Variants in LRCH3 observed in about 807,000 individuals in gnomAD.
LRCH3 encodes the protein leucine rich repeats and calponin homology domain containing 3.
LRCH3 carries 68 observed loss-of-function variants against 104.5 expected under a neutral mutation model. That is an observed-to-expected ratio of 0.65 (90% CI 0.54 to 0.80). The LOEUF (loss-of-function observed/expected upper bound fraction) is 0.80. Ranked by LOEUF, LRCH3 falls within the 30% of genes least tolerant of loss-of-function variation. The pLI, the probability that LRCH3 is intolerant of heterozygous loss-of-function variation, is 0.00. For synonymous variants in LRCH3, 344 were observed against 361.3 expected (o/e 0.95, Z 0.54); for missense variants, 951 against 953.9 (o/e 1.00, Z 0.04).
chr3:197,839,020 T>C (rs1423802713), intron 9 of LRCH3, among the ~76,000 whole-genome samples: 1 of 152,218 alleles, frequency 6.6e-6, no homozygotes, highest in Admixed American at 6.5e-5. Context: ...TTTCTAATTC[T>C]AACATCTTAT....
intron 20 of LRCH3, among the ~76,000 whole-genome samples, chr3:197,877,494 TGATTCTCTTTACCCAAC>T (rs1713021837): frequency 4.0e-5 from 5 of 126,340 alleles, no homozygotes; most frequent in African/African-American, 1.2e-4. Context: ...CCCATGGCAG[TGATTCTCTTTACCCAAC>T]TCACCGCACC....
In LRCH3 at chr3:197,875,776, G is replaced by A; in HGVS notation, c.2208+1G>A. 1.3e-6 allele frequency: 2 copies of A among 1,523,858 alleles called. No individual in the cohort carries two copies. Among genetic ancestry groups the A allele is most frequent in the Non-Finnish European group, 1.8e-6 (2 of 1,137,358 alleles). 94.4% of individuals were successfully genotyped at this position (1,523,858 alleles called of 1,614,324 possible). On this transcript the variant is annotated splice_donor_variant, in intron 20 of 20. Coordinates refer to ENST00000425562, the MANE Select transcript of LRCH3 (RefSeq NM_001365715.1). LOFTEE classifies it high-confidence loss of function. ...TTGCAGAAAAATTGGTGTACCTCAG[G>A]TAATAAATTTATCATTTTTTATGTT...
At chr3:197,843,685 A>G (rs1452783317) in intron 10 of LRCH3, among the ~76,000 whole-genome samples, 1 of 147,058 alleles carries the variant, frequency 6.8e-6, no homozygotes, top group African/African-American at 2.5e-5. Flanking sequence ...ATCTCAAAAG[A>G]AAAAAAAAAA....
chr3:197,880,592 G>A, intron 20 of LRCH3: 2 of 1,536,578 alleles, frequency 1.3e-6, no homozygotes, highest in Non-Finnish European at 8.7e-7. Flanking sequence ...TTTCTCTTGG[G>A]GCACACTCAG....
At chr3:197,839,751 G>A (rs539541215) in intron 10 of LRCH3, among the ~76,000 whole-genome samples, 91 of 152,012 alleles carry the variant, frequency 6.0e-4, no homozygotes, top group African/African-American at 1.6e-3. Flanking sequence ...AGGCCAAGAC[G>A]GGAGGCTTGC....
chr3:197,818,244 T>C (rs1016450565), intron 3 of LRCH3, among the ~76,000 whole-genome samples: 2 of 152,216 alleles, frequency 1.3e-5, no homozygotes, highest in African/African-American at 4.8e-5. Context: ...ATATTATGAA[T>C]TGATTACTAA....
In LRCH3 at chr3:197,835,534, A is replaced by G. The variant is rs541354157; in HGVS notation, c.1103-140A>G. The G allele has an allele frequency of 5.6e-6, 7 of 1,241,408 alleles. No individual in the cohort carries two copies. The East Asian group carries it at 2.0e-4, about 35-fold the overall frequency. The allele number at this position is 1,241,408 out of a possible 1,614,324, so 76.9% of individuals were successfully genotyped here. A position where few individuals can be genotyped will look rare whatever the true frequency, so the allele number is the denominator to read the frequency against. On this transcript the variant is annotated intron_variant, in intron 8 of 20. Coordinates refer to ENST00000425562, the MANE Select transcript of LRCH3 (RefSeq NM_001365715.1). Reference sequence around the variant, plus strand: ...AAAAAAAAAAGACTTAAGTAATTTAAAGTTTTTATCATCCCTCCCACTTTC... The same window carrying G: ...AAAAAAAAAAGACTTAAGTAATTTAGAGTTTTTATCATCCCTCCCACTTTC...
intron 1 of LRCH3, among the ~76,000 whole-genome samples, chr3:197,804,301 AAAG>A (rs1412905679): frequency 6.6e-6 from 1 of 152,168 alleles, no homozygotes; most frequent in East Asian, 1.9e-4. Flanking sequence ...GGCAATAAGC[AAAG>A]AAGAAAGTTA....
intron 4 of LRCH3, among the ~76,000 whole-genome samples, chr3:197,826,039 T>G (rs555811611): frequency 1.3e-5 from 2 of 152,306 alleles, no homozygotes; most frequent in East Asian, 3.9e-4. Context: ...TGAGTTCCTT[T>G]TTTTGGTTAG....
At chr3:197,814,875 C>A in intron 1 of LRCH3, 33 bp from the exon 2 acceptor site, 1 of 1,538,846 alleles carries the variant, frequency 6.5e-7, no homozygotes, top group Non-Finnish European at 8.7e-7. Context: ...GTTCCAAGGA[C>A]TGATTTTAAA....
At chr3:197,805,856 A>T (rs1017212923) in intron 1 of LRCH3, among the ~76,000 whole-genome samples, 1 of 152,168 alleles carries the variant, frequency 6.6e-6, no homozygotes, top group Non-Finnish European at 1.5e-5. Flanking sequence ...AGGTCCCTAC[A>T]CTGTACCTTA....
chr3:197,855,842 C>T (rs1560584377), intron 14 of LRCH3, among the ~76,000 whole-genome samples: 1 of 152,200 alleles, frequency 6.6e-6, no homozygotes, highest in Non-Finnish European at 1.5e-5. Context: ...CTTTAAAACA[C>T]ATCTCACATT....
chr3:197,832,131 G>A, intron 7 of LRCH3, 66 bp from the exon 8 acceptor site: 1 of 1,527,652 alleles, frequency 6.5e-7, no homozygotes, highest in South Asian at 1.2e-5. Flanking sequence ...CAAAGCGCAT[G>A]GATTACAGGC....
intron 10 of LRCH3, among the ~76,000 whole-genome samples, chr3:197,839,811 A>C (rs1737520739): frequency 6.6e-6 from 1 of 151,774 alleles, no homozygotes; most frequent in African/African-American, 2.4e-5. Context: ...ACCCCTCTAC[A>C]AAAAGAAAAA....
intron 10 of LRCH3, among the ~76,000 whole-genome samples, chr3:197,840,254 G>A (rs757603684): frequency 2.6e-5 from 4 of 152,110 alleles, no homozygotes; most frequent in East Asian, 1.9e-4. Flanking sequence ...CCTGGCCAAC[G>A]TGGTGAAACG....
intron 19 of LRCH3, among the ~76,000 whole-genome samples, chr3:197,874,082 A>AC (rs1712572305): frequency 6.6e-6 from 1 of 152,042 alleles, no homozygotes; most frequent in Admixed American, 6.6e-5. Context: ...GTTACATTTA[A>AC]ATGATGAACT....
At chr3:197,870,772 G>A (rs889520817) in intron 18 of LRCH3, among the ~76,000 whole-genome samples, 1 of 151,176 alleles carries the variant, frequency 6.6e-6, no homozygotes, top group African/African-American at 2.5e-5. Context: ...TTCCGCGCCC[G>A]GCTGTAATTT....
At chr3:197,845,502 C>G (rs1186565370) in intron 10 of LRCH3, among the ~76,000 whole-genome samples, 2 of 151,626 alleles carry the variant, frequency 1.3e-5, no homozygotes, top group Non-Finnish European at 2.9e-5. Flanking sequence ...TTTTTTATGT[C>G]TCAGTATTCC....
chr3:197,880,902 G>A (rs866867723), intron 20 of LRCH3: 3 of 1,427,338 alleles, frequency 2.1e-6, no homozygotes, highest in Non-Finnish European at 2.7e-6. Flanking sequence ...AAACATTTAC[G>A]ATTGCTAACA....
Sources: allele counts gnomAD v4.1 joint callset (sites outside exome capture counted in the v4.1 genomes callset), GRCh38; gene constraint gnomAD v4.1.1; transcripts MANE v1.5; gene names NCBI Gene and HGNC (gene_info 2026-07-23, HGNC 2026-07-21).